The following B3GNT5 variants were observed in gnomAD, a reference collection of about 807,000 sequenced individuals.
B3GNT5 encodes the protein lactosylceramide 1,3-N-acetyl-beta-D-glucosaminyltransferase.
In B3GNT5, 11 loss-of-function variants were observed where a neutral mutation model predicts 25.9. The ratio of observed to expected loss-of-function variants is 0.42; its 90% CI spans 0.27 to 0.70. The LOEUF is 0.70. Ranked by LOEUF, B3GNT5 falls within the 30% of genes least tolerant of loss-of-function variation. The pLI, the probability that B3GNT5 is intolerant of heterozygous loss-of-function variation, is 0.23. For synonymous variants in B3GNT5, 166 were observed against 158.6 expected, an observed-to-expected ratio of 1.05 and a Z score of -0.35; for missense variants, 385 against 458.4, an observed-to-expected ratio of 0.84 and a Z score of 1.46.
At position 183,272,189 on chromosome 3, in the gene B3GNT5, T is replaced by C; in HGVS notation, c.*1254T>C. 1 of 1,000,284 alleles carries C rather than the reference T, an allele frequency of 1.0e-6. No homozygotes were observed. Among genetic ancestry groups the C allele is most frequent in the Non-Finnish European group, 1.2e-6 (1 of 829,986 alleles). The allele number at this position is 1,000,284 out of a possible 1,614,324, so 62.0% of individuals were successfully genotyped here. ...TGTAATCAAAGAGATGTGTCTGAGA[T>C]CTAATAGAGTAAGTTACATTTATTT... On this transcript the variant is annotated 3_prime_UTR_variant, in exon 2 of 2. Transcript: ENST00000326505.
rs752655457 is a variant in B3GNT5, at chr3:183,270,753, A to G, written c.955A>G (p.Met319Val). Residue 319 changes from methionine (M) to valine (V), a missense_variant, in exon 2 of 2, where the codon ATG (methionine) becomes GTG (valine). Coordinates refer to ENST00000326505, the MANE Select transcript of B3GNT5 (RefSeq NM_032047.5). This position sits in a 1 kb window ranked among gnomAD's most constrained non-coding sequence, Gnocchi z 4.5. Reference sequence around the variant, plus strand: ...TTATCATCCCTGCATCTATGAAAAAATGATGACATCTCATGGACACTTAGA... The same window carrying G: ...TTATCATCCCTGCATCTATGAAAAAGTGATGACATCTCATGGACACTTAGA... ...TPYHPCIYEKMMTSHGHLEDL... is the reference protein window; with the variant it reads ...TPYHPCIYEKVMTSHGHLEDL... 3 of 1,613,772 alleles carry G rather than the reference A, an allele frequency of 1.9e-6. No individual in the cohort carries two copies. The East Asian group carries it at 6.7e-5, about 36-fold the overall frequency.
At position 183,269,731 on chromosome 3, in the gene B3GNT5, T is replaced by C. The variant is rs1298556960; in HGVS notation, c.-68T>C. ...GACACCTACTCTACGAAACACGAAGTTCTATGGTCTCGAAGAAGCCCGTGC... is the reference window on the plus strand; with the variant it reads ...GACACCTACTCTACGAAACACGAAGCTCTATGGTCTCGAAGAAGCCCGTGC... On this transcript the variant is annotated 5_prime_UTR_variant, in exon 2 of 2. Transcript: ENST00000326505. 2.1e-6 allele frequency: 3 copies of C among 1,419,620 alleles called. No homozygotes were observed. Among genetic ancestry groups the C allele is most frequent in the African/African-American group, 1.4e-5 (1 of 69,704 alleles). The allele number at this position is 1,419,620 out of a possible 1,614,324, so 87.9% of individuals were successfully genotyped here. A position where few individuals can be genotyped will look rare whatever the true frequency, so the allele number is the denominator to read the frequency against.
Position 183,267,620 on chromosome 3 carries a change from C to T in B3GNT5, c.-301-1878C>T, listed in dbSNP as rs571615304. ...GGCTCAGCCTACACGGCTCTCTCCC[C>T]GTCAGTCCTGTCCAAAGCCCAGGAA... On this transcript the variant is annotated intron_variant, in intron 1 of 1. Transcript: ENST00000326505. This position sits in a 1 kb window ranked among gnomAD's most constrained non-coding sequence, Gnocchi z 5.5. Among the ~76,000 whole-genome samples, 19 of 152,364 alleles carry T rather than the reference C, an allele frequency of 1.2e-4. No individual in the cohort carries two copies. The highest frequency in any genetic ancestry group is 3.4e-4 in the African/African-American group (14 of 41,586).
Position 183,270,369 on chromosome 3 carries a change from A to G in B3GNT5, c.571A>G (p.Thr191Ala). 1 of 1,614,204 alleles carries G rather than the reference A, an allele frequency of 6.2e-7. No homozygotes were observed. Among genetic ancestry groups the G allele is most frequent in the Non-Finnish European group, 8.5e-7 (1 of 1,180,040 alleles). ...TTGTCCACATGCCAAATTTCTTATG[A>G]CTGCTGATGATGACATATTTATTCA... ...TYCPHAKFLM[T>A]ADDDIFIHMP... Residue 191 changes from threonine (T) to alanine (A), a missense_variant, in exon 2 of 2, where the codon ACT becomes GCT. Physicochemically the swap from Thr to Ala is moderately conservative, Grantham distance 58 (BLOSUM62 0). Transcript: ENST00000326505. This position sits in a 1 kb window ranked among gnomAD's most constrained non-coding sequence, Gnocchi z 4.5.
chr3:183,253,955 G>A (rs1270389549), intron 1 of B3GNT5: 2 of 152,118 alleles, frequency 1.3e-5, no homozygotes, highest in Non-Finnish European at 2.9e-5. Flanking sequence ...CGCTCGGCGG[G>A]ATACGTCTCC....
At chr3:183,261,851 A>G (rs1725614285) in intron 1 of B3GNT5, among the ~76,000 whole-genome samples, 3 of 151,300 alleles carry the variant, frequency 2.0e-5, no homozygotes. Flanking sequence ...AGAGAGGATG[A>G]TTTTATGGTA....
chr3:183,272,917 T>C lies in B3GNT5; in HGVS notation c.*1982T>C, dbSNP rs536184575. 11 of 1,393,050 alleles carry C rather than the reference T, an allele frequency of 7.9e-6. No individual in the cohort carries two copies. In the South Asian group the frequency reaches 1.8e-4, roughly 22 times the overall value. The allele number at this position is 1,393,050 out of a possible 1,614,324, so 86.3% of individuals were successfully genotyped here. A position where few individuals can be genotyped will look rare whatever the true frequency, so the allele number is the denominator to read the frequency against. ...ATTATTTATTTGCTGAAAGAGCTCT[T>C]CTGAACTGTGTCCTTTTAATTTTTG... On this transcript the variant is annotated 3_prime_UTR_variant, in exon 2 of 2. Coordinates refer to ENST00000326505, the MANE Select transcript of B3GNT5 (RefSeq NM_032047.5).
intron 1 of B3GNT5, among the ~76,000 whole-genome samples, chr3:183,259,733 G>A (rs112067163): frequency 3.3e-5 from 5 of 151,938 alleles, no homozygotes; most frequent in African/African-American, 4.8e-5. Flanking sequence ...TGCGACTTTG[G>A]ATCTCCATCC....
chr3:183,261,328 A>C (rs764025342), intron 1 of B3GNT5, among the ~76,000 whole-genome samples: 17 of 152,208 alleles, frequency 1.1e-4, no homozygotes, highest in Non-Finnish European at 1.9e-4. Context: ...TGACGAGAAG[A>C]AGCCAGGAAA....
chr3:183,264,269 G>C (rs1458981390), intron 1 of B3GNT5, among the ~76,000 whole-genome samples: 1 of 152,120 alleles, frequency 6.6e-6, no homozygotes, highest in African/African-American at 2.4e-5. Context: ...TACTCCTGCA[G>C]CCACCTAAAT....
chr3:183,268,151 G>A (rs1438106371), intron 1 of B3GNT5, among the ~76,000 whole-genome samples: 2 of 152,228 alleles, frequency 1.3e-5, no homozygotes, highest in Non-Finnish European at 2.9e-5. Context: ...GACTGCTGGT[G>A]TAAAGACCAG....
chr3:183,255,285 G>A (rs1207067283), intron 1 of B3GNT5, among the ~76,000 whole-genome samples: 1 of 152,224 alleles, frequency 6.6e-6, no homozygotes, highest in Non-Finnish European at 1.5e-5. Context: ...GGTGATTAGT[G>A]ATCAGCAGCA....
rs1331471925 is a variant in B3GNT5, at chr3:183,269,611, C to G, written c.-188C>G. ...CAGTGTCCTCGTTCTACAGGGTGTT[C>G]CATTCTTCCGCAATCTCAGAAAAAT... On this transcript the variant is annotated 5_prime_UTR_variant, in exon 2 of 2. Transcript: ENST00000326505. The G allele has an allele frequency of 1.8e-6, 1 of 559,554 alleles. No individual in the cohort carries two copies. The highest frequency in any genetic ancestry group is 3.0e-6 in the Non-Finnish European group (1 of 328,376). 34.7% of individuals were successfully genotyped at this position (559,554 alleles called of 1,614,324 possible).
chr3:183,272,599 C>T lies in B3GNT5; in HGVS notation c.*1664C>T. ...GAATTTTTAACTAATGTCAAAACTA[C>T]AGTGTCAAACATTCTAGGTTGTAGT... On this transcript the variant is annotated 3_prime_UTR_variant, in exon 2 of 2. Coordinates refer to ENST00000326505, the MANE Select transcript of B3GNT5 (RefSeq NM_032047.5). The T allele has an allele frequency of 1.0e-6, 1 of 995,776 alleles. No homozygotes were observed. 61.7% of individuals were successfully genotyped at this position (995,776 alleles called of 1,614,324 possible).
In B3GNT5 at chr3:183,269,209, C is replaced by T. The variant is rs1195034625; in HGVS notation, c.-301-289C>T. ...TGTGAAATTTGAACTTAAGTATACA[C>T]GATTATAGCCGTTTGGGAAGCTTTT... On this transcript the variant is annotated intron_variant, in intron 1 of 1. Coordinates refer to ENST00000326505, the MANE Select transcript of B3GNT5 (RefSeq NM_032047.5). Among the ~76,000 whole-genome samples the T allele has an allele frequency of 3.3e-5, 4 of 119,484 alleles. No individual in the cohort carries two copies. In the South Asian group the frequency reaches 7.8e-4, roughly 23 times the overall value. The allele number at this position is 119,484 out of a possible 152,430, so 78.4% of individuals were successfully genotyped here. A position where few individuals can be genotyped will look rare whatever the true frequency, so the allele number is the denominator to read the frequency against.
chr3:183,272,267 A>G lies in B3GNT5; in HGVS notation c.*1332A>G, dbSNP rs1726844425. 7 of 1,000,278 alleles carry G rather than the reference A, an allele frequency of 7.0e-6. No homozygotes were observed. Among genetic ancestry groups the G allele is most frequent in the Non-Finnish European group, 8.4e-6 (7 of 829,998 alleles). 62.0% of individuals were successfully genotyped at this position (1,000,278 alleles called of 1,614,324 possible). A position where few individuals can be genotyped will look rare whatever the true frequency, so the allele number is the denominator to read the frequency against. ...AATACACACTACCTCCCTTCACTAC[A>G]GAAAGAACTAGGTGGTGTCTACTGC... On this transcript the variant is annotated 3_prime_UTR_variant, in exon 2 of 2. Coordinates refer to ENST00000326505, the MANE Select transcript of B3GNT5 (RefSeq NM_032047.5).
intron 1 of B3GNT5, among the ~76,000 whole-genome samples, chr3:183,258,649 G>A (rs1011165492): frequency 4.0e-5 from 6 of 151,272 alleles, no homozygotes; most frequent in South Asian, 2.1e-4. Flanking sequence ...CCACCCCCCC[G>A]CCCCTGATAT....
intron 1 of B3GNT5, among the ~76,000 whole-genome samples, chr3:183,268,372 G>A (rs547446031): frequency 1.3e-4 from 20 of 152,292 alleles, no homozygotes; most frequent in Non-Finnish European, 2.5e-4. Flanking sequence ...AGGTCACGCT[G>A]ACTGTAAAGT....
At chr3:183,266,757 A>C (rs1235058199) in intron 1 of B3GNT5, among the ~76,000 whole-genome samples, 1 of 151,336 alleles carries the variant, frequency 6.6e-6, no homozygotes, top group African/African-American at 2.4e-5. Flanking sequence ...GAAATTACTG[A>C]TATTGATCTG....
Sources: allele counts gnomAD v4.1 joint callset (sites outside exome capture counted in the v4.1 genomes callset), GRCh38; gene constraint gnomAD v4.1.1; non-coding constraint Gnocchi (gnomAD v3.1); transcripts MANE v1.5; gene names NCBI Gene and HGNC (gene_info 2026-07-23, HGNC 2026-07-21).